The following ITPR1 variants were observed in gnomAD, a reference collection of about 807,000 sequenced individuals.
ITPR1 encodes inositol 1,4,5-trisphosphate receptor type 1.
Under a neutral mutation model 318.4 loss-of-function variants are expected in ITPR1, and 96 were observed. The ratio of observed to expected loss-of-function variants is 0.30; its 90% CI spans 0.26 to 0.36. The LOEUF is 0.36. ITPR1 is among the 10% of genes least tolerant of loss of function. ITPR1 has a pLI of 1.00. For missense variants in ITPR1, 2,440 were observed against 3,460.2 expected (o/e 0.71, Z 7.40); for synonymous variants, 1,312 against 1,289.9 (o/e 1.02, Z -0.37).
intron 33 of ITPR1, among the ~76,000 whole-genome samples, chr3:4,693,949 C>G (rs954128954): frequency 6.6e-6 from 1 of 152,194 alleles, no homozygotes; most frequent in Non-Finnish European, 1.5e-5. Context: ...GTTAGTCGTT[C>G]TTTCTGTATC....
At chr3:4,825,689 C>G (rs2050026261) in intron 60 of ITPR1, 1 of 455,740 alleles carries the variant, frequency 2.2e-6, no homozygotes, top group African/African-American at 2.0e-5. Flanking sequence ...AAAATGGAAA[C>G]TTAATACCTG....
intron 4 of ITPR1, among the ~76,000 whole-genome samples, chr3:4,547,557 CTCTG>C (rs1257828970): frequency 1.3e-5 from 2 of 152,204 alleles, no homozygotes; most frequent in Non-Finnish European, 1.5e-5. Context: ...ATATGAAAGA[CTCTG>C]TAATGTAACT....
At chr3:4,496,702 G>C (rs2080602962) in intron 2 of ITPR1, among the ~76,000 whole-genome samples, 1 of 152,150 alleles carries the variant, frequency 6.6e-6, no homozygotes, top group Non-Finnish European at 1.5e-5. Context: ...TGGGCAGAGA[G>C]AAAGATAAAA....
intron 4 of ITPR1, among the ~76,000 whole-genome samples, chr3:4,578,988 A>G (rs539536912): frequency 6.6e-6 from 1 of 152,134 alleles, no homozygotes; most frequent in Non-Finnish European, 1.5e-5. Context: ...CAAAAATTCC[A>G]TTGACCCATG....
At chr3:4,613,249 A>G (rs2092238497) in intron 4 of ITPR1, among the ~76,000 whole-genome samples, 1 of 152,168 alleles carries the variant, frequency 6.6e-6, no homozygotes, top group Non-Finnish European at 1.5e-5. Context: ...TAAATATACA[A>G]TTTAGTCTGG....
rs1255272837 is a variant in ITPR1 at position 4,806,183 on chromosome 3, G to A, written c.7188G>A (p.Leu2396=). Residue 2396 remains leucine (L), a synonymous_variant, in exon 55 of 62, where the codon CTG becomes CTA. Transcript: ENST00000649015. ...CAAGAGGCTACCGAGCCATGGTTCT[G>A]GATGTTGAGTTCCTCTATCATTTGT... ...TFTRGYRAMV[L]DVEFLYHLLY... The A allele has an allele frequency of 6.2e-7, 1 of 1,613,802 alleles. No individual in the cohort carries two copies. Among genetic ancestry groups the A allele is most frequent in the Admixed American group, 1.7e-5 (1 of 60,006 alleles).
chr3:4,791,901 A>G (rs1246445894), intron 52 of ITPR1, among the ~76,000 whole-genome samples: 2 of 152,218 alleles, frequency 1.3e-5, no homozygotes, highest in Admixed American at 1.3e-4. Context: ...TGCTGCTATA[A>G]CAAATTACCA....
intron 4 of ITPR1, among the ~76,000 whole-genome samples, chr3:4,564,966 C>T (rs75176273): frequency 0.078 from 11,810 of 152,246 alleles, 631 homozygotes; most frequent in Non-Finnish European, 0.11. Flanking sequence ...TTTGGCTAAA[C>T]TCATTGTCTC....
intron 17 of ITPR1, 128 bp from the exon 18 acceptor site, chr3:4,667,249 C>A: frequency 1.6e-6 from 1 of 635,792 alleles, no homozygotes; most frequent in South Asian, 2.7e-5. Flanking sequence ...GGAAGACCCT[C>A]CCTTATACTG....
intron 7 of ITPR1, among the ~76,000 whole-genome samples, chr3:4,643,794 A>T (rs2093392269): frequency 6.6e-6 from 1 of 151,634 alleles, no homozygotes; most frequent in Non-Finnish European, 1.5e-5. Context: ...ACTTACTCTG[A>T]CTCTATCTTG....
chr3:4,674,846 T>C (rs1438326742), intron 22 of ITPR1, among the ~76,000 whole-genome samples: 2 of 151,916 alleles, frequency 1.3e-5, no homozygotes, highest in African/African-American at 4.8e-5. Flanking sequence ...TCTTTTTTTT[T>C]TTTTGATTAG....
rs145685772 is a variant in ITPR1 at position 4,512,256 on chromosome 3, G to A, written c.-16-4220G>A. On this transcript the variant is annotated intron_variant, in intron 2 of 61. Coordinates refer to ENST00000649015, the MANE Select transcript of ITPR1 (RefSeq NM_001378452.1). ...GATGTGATGACAGGCATGAGCCACC[G>A]TGCCTGGTTTAGGAGTAATTGTCTG... 5.2e-3 allele frequency among the ~76,000 whole-genome samples: 788 copies of A among 152,284 alleles called. 29 individuals are homozygous for A. The highest frequency in any genetic ancestry group is 0.043 in the Admixed American group (657 of 15,296).
rs189520190 is a variant in ITPR1 at position 4,550,716 on chromosome 3, C to T, written c.163+29622C>T. Among the ~76,000 whole-genome samples, 245 of 151,870 alleles carry T rather than the reference C, an allele frequency of 1.6e-3. 1 individual carries two copies. The highest frequency in any genetic ancestry group is 1.2e-3 in the East Asian group (6 of 5,162). On this transcript the variant is annotated intron_variant, in intron 4 of 61. Coordinates refer to ENST00000649015, the MANE Select transcript of ITPR1 (RefSeq NM_001378452.1). The stretch of plus-strand genomic sequence containing the variant: ...GCAACATAGTGAGATCCTGTCTCTA[C>T]AAAAAATTAAAAAGTTAGCGAGGCA...
At chr3:4,569,361 A>C (rs1400527631) in intron 4 of ITPR1, among the ~76,000 whole-genome samples, 2 of 152,252 alleles carry the variant, frequency 1.3e-5, no homozygotes, top group African/African-American at 4.8e-5. Flanking sequence ...AGTTTCTAGT[A>C]TTCTAACAGT....
chr3:4,584,247 C>G (rs75564997), intron 4 of ITPR1, among the ~76,000 whole-genome samples: 4,010 of 152,220 alleles, frequency 0.026, 80 homozygotes, highest in Middle Eastern at 0.078. Flanking sequence ...CACCTCACCC[C>G]CTTCTTGTCC....
intron 44 of ITPR1, among the ~76,000 whole-genome samples, chr3:4,754,463 T>G (rs1306584908): frequency 6.6e-6 from 1 of 152,168 alleles, no homozygotes; most frequent in Non-Finnish European, 1.5e-5. Flanking sequence ...AGTGATCATG[T>G]GGGTGAGCTG....
intron 61 of ITPR1, among the ~76,000 whole-genome samples, chr3:4,840,058 T>TTTTTTTTTG (rs2051227332): frequency 1.5e-5 from 2 of 134,148 alleles, no homozygotes; most frequent in Non-Finnish European, 3.2e-5. Context: ...TTTTTTTTTT[T>TTTTTTTTTG]GAGGGGGCAG....
chr3:4,505,164 CT>C (rs2124887234), intron 2 of ITPR1, among the ~76,000 whole-genome samples: 1 of 152,262 alleles, frequency 6.6e-6, no homozygotes, highest in African/African-American at 2.4e-5. Context: ...GTGTAAGCCC[CT>C]CTCTTTGCTG....
chr3:4,715,374 G>T (rs2041691244), intron 39 of ITPR1, among the ~76,000 whole-genome samples: 1 of 152,212 alleles, frequency 6.6e-6, no homozygotes, highest in African/African-American at 2.4e-5. Flanking sequence ...TCAGCTCATT[G>T]CTGATTTTTC....
Sources: gnomAD v4.1 joint callset for allele counts (sites outside exome capture counted in the v4.1 genomes callset) on GRCh38, gnomAD v4.1.1 for gene constraint, MANE v1.5 for transcripts, NCBI Gene and HGNC (gene_info 2026-07-23, HGNC 2026-07-21) for gene names.